The following GPR161 variants were observed in gnomAD, a reference collection of about 807,000 sequenced individuals.
The protein encoded by GPR161 is G protein-coupled receptor 161.
In GPR161, 25 loss-of-function variants were observed where a neutral mutation model predicts 39.2. The ratio of observed to expected loss-of-function variants is 0.64; its 90% CI spans 0.47 to 0.89. The LOEUF (loss-of-function observed/expected upper bound fraction) is 0.89. GPR161 is among the 40% of genes least tolerant of loss of function. GPR161 has a pLI of 0.00. For synonymous variants in GPR161, 286 were observed against 276.6 expected (o/e 1.03, Z -0.34); for missense variants, 547 against 677.8 (o/e 0.81, Z 2.14).
At chr1:168,136,700 C>T (rs1380855639) in intron 1 of GPR161, 39 bp downstream of exon 1, 2 of 1,061,390 alleles carry the variant, frequency 1.9e-6, no homozygotes, top group African/African-American at 1.7e-5. Context: ...CCGCCCTCTC[C>T]GCCCGGGCCC....
At chr1:168,137,152 G>T (rs1304603382), upstream of GPR161, 4 of 1,196,856 alleles carry the variant, frequency 3.3e-6, no homozygotes, top group Non-Finnish European at 4.2e-6. Context: ...GCTGCTCTTT[G>T]TCTCGCCCTT....
chr1:168,101,981 T>A (rs1487393451), intron 2 of GPR161, among the ~76,000 whole-genome samples: 3 of 152,068 alleles, frequency 2.0e-5, no homozygotes, highest in African/African-American at 7.2e-5. Context: ...TTTTTGTATT[T>A]TAGTAGAGAT....
chr1:168,099,837 G>GC (rs1553262913), intron 2 of GPR161, among the ~76,000 whole-genome samples: 2 of 78,286 alleles, frequency 2.6e-5, no homozygotes, highest in Non-Finnish European at 4.5e-5. Flanking sequence ...TTTTTTTTTT[G>GC]GGGGGGGGGG....
At chr1:168,116,926 G>A (rs1194798326) in intron 1 of GPR161, among the ~76,000 whole-genome samples, 1 of 152,174 alleles carries the variant, frequency 6.6e-6, no homozygotes, top group Non-Finnish European at 1.5e-5. Context: ...AGAAGCTAGA[G>A]TCAGAACCCC....
intron 3 of GPR161, among the ~76,000 whole-genome samples, chr1:168,095,951 A>G (rs1695482244): frequency 6.6e-6 from 1 of 151,968 alleles, no homozygotes; most frequent in East Asian, 1.9e-4. Flanking sequence ...CCTAGCCAAT[A>G]TGGTGAAACC....
intron 1 of GPR161, among the ~76,000 whole-genome samples, chr1:168,114,888 A>C (rs1697497195): frequency 6.6e-6 from 1 of 152,062 alleles, no homozygotes; most frequent in South Asian, 2.1e-4. Flanking sequence ...GGGTGAAGCC[A>C]TCATCACTTG....
At chr1:168,091,473 C>A (rs1189183780) in intron 3 of GPR161, among the ~76,000 whole-genome samples, 1 of 152,192 alleles carries the variant, frequency 6.6e-6, no homozygotes, top group Admixed American at 6.5e-5. Flanking sequence ...AGGAAAGACT[C>A]ACAGGCACTG....
chr1:168,094,562 G>T (rs1695351180), intron 3 of GPR161, among the ~76,000 whole-genome samples: 1 of 152,208 alleles, frequency 6.6e-6, no homozygotes, highest in African/African-American at 2.4e-5. Flanking sequence ...CACATGGAAA[G>T]GATCTCCTGT....
intron 1 of GPR161, among the ~76,000 whole-genome samples, chr1:168,124,308 T>C (rs530514499): frequency 6.6e-6 from 1 of 152,316 alleles, no homozygotes; most frequent in Admixed American, 6.5e-5. Context: ...CCTCAGGAAA[T>C]GCTCCATTCT....
At chr1:168,136,066 T>C in intron 1 of GPR161, 1 of 1,254,694 alleles carries the variant, frequency 8.0e-7, no homozygotes, top group African/African-American at 1.5e-5. Flanking sequence ...GGGGTTAAGC[T>C]TGGCCCAGAA....
At chr1:168,109,090 G>T (rs1696896947) in intron 1 of GPR161, among the ~76,000 whole-genome samples, 1 of 152,128 alleles carries the variant, frequency 6.6e-6, no homozygotes, top group African/African-American at 2.4e-5. Context: ...CAGTCAGAAA[G>T]ATTAAGAAAT....
chr1:168,123,342 C>A (rs1438846225), intron 1 of GPR161, among the ~76,000 whole-genome samples: 2 of 152,018 alleles, frequency 1.3e-5, no homozygotes, highest in Admixed American at 1.3e-4. Flanking sequence ...CCTGTAGTCC[C>A]AGTTAATCAG....
intron 3 of GPR161, among the ~76,000 whole-genome samples, chr1:168,094,346 C>A (rs1033064956): frequency 1.3e-5 from 2 of 152,044 alleles, no homozygotes; most frequent in Non-Finnish European, 2.9e-5. Context: ...AAATGAAGCC[C>A]AACATTGAAT....
intron 1 of GPR161, among the ~76,000 whole-genome samples, chr1:168,115,168 GA>G (rs1697520352): frequency 6.6e-6 from 1 of 152,130 alleles, no homozygotes; most frequent in South Asian, 2.1e-4. Flanking sequence ...GGACACAGGT[GA>G]ATTCATCCAC....
chr1:168,124,278 G>A (rs955654388), intron 1 of GPR161, among the ~76,000 whole-genome samples: 1 of 152,076 alleles, frequency 6.6e-6, no homozygotes, highest in African/African-American at 2.4e-5. Context: ...TTTCAAAAAT[G>A]CACTAACACT....
At chr1:168,089,970 G>A (rs188850920) in intron 4 of GPR161, among the ~76,000 whole-genome samples, 4 of 152,352 alleles carry the variant, frequency 2.6e-5, no homozygotes, top group African/African-American at 9.6e-5. Flanking sequence ...CAGGGAGACT[G>A]AGTTTCATAT....
chr1:168,134,472 T>C (rs1157641145), intron 1 of GPR161, among the ~76,000 whole-genome samples: 1 of 152,174 alleles, frequency 6.6e-6, no homozygotes, highest in Non-Finnish European at 1.5e-5. Context: ...GTAGCACTGA[T>C]AGCTATCTCT....
At chr1:168,121,570 A>G (rs1311710859) in intron 1 of GPR161, among the ~76,000 whole-genome samples, 1 of 152,174 alleles carries the variant, frequency 6.6e-6, no homozygotes. Flanking sequence ...AGCAGGACTC[A>G]TGATGAAGAC....
Position 168,084,886 on chromosome 1 carries a change from G to A in GPR161, c.*645C>T. ...GTCAGTAGGGAAGTAGGCAGGGTGGGCCAGTCTGCAAGAGGCCTGTGGCTG... is the reference window on the plus strand; with the variant it reads ...GTCAGTAGGGAAGTAGGCAGGGTGGACCAGTCTGCAAGAGGCCTGTGGCTG... On this transcript the variant is annotated 3_prime_UTR_variant, in exon 6 of 6. Transcript: ENST00000682931. 2.2e-6 allele frequency: 1 copy of A among 456,228 alleles called. No homozygotes were observed. The allele number at this position is 456,228 out of a possible 1,614,324, so 28.3% of individuals were successfully genotyped here.
Sources: gnomAD v4.1 joint callset for allele counts (sites outside exome capture counted in the v4.1 genomes callset) on GRCh38, gnomAD v4.1.1 for gene constraint, MANE v1.5 for transcripts, NCBI Gene and HGNC (gene_info 2026-07-23, HGNC 2026-07-21) for gene names.